The following EFCAB3 variants were observed in gnomAD, a reference collection of about 807,000 sequenced individuals.
EFCAB3 encodes EF-hand calcium-binding domain-containing protein 3.
In EFCAB3, 36 loss-of-function variants were observed where a neutral mutation model predicts 42.2. That is an observed-to-expected ratio of 0.85 (90% CI 0.65 to 1.13). EFCAB3 has a LOEUF of 1.13. EFCAB3 is among the 50% of genes most tolerant of loss of function. The pLI is 0.00. For synonymous variants in EFCAB3, 170 were observed against 172.8 expected (o/e 0.98, Z 0.13); for missense variants, 418 against 505.1 (o/e 0.83, Z 1.65).
chr17:62,375,786 A>G (rs925729886), upstream of EFCAB3, among the ~76,000 whole-genome samples: 2 of 152,106 alleles, frequency 1.3e-5, no homozygotes, highest in African/African-American at 4.8e-5. Context: ...AAGGCACAAC[A>G]CTTCAGATAT....
upstream of EFCAB3, among the ~76,000 whole-genome samples, chr17:62,376,319 A>C (rs886848875): frequency 7.9e-5 from 12 of 152,058 alleles, no homozygotes; most frequent in Non-Finnish European, 8.8e-5. Context: ...CAAAAATACA[A>C]AAATTAGCCA....
rs1251578508 is a variant in EFCAB3 at position 62,406,553 on chromosome 17, A to G, written c.562A>G (p.Arg188Gly). Residue 188 changes from arginine (R) to glycine (G), a missense_variant, in exon 7 of 10, where the codon AGG (arginine) becomes GGG (glycine). By Grantham distance (125) the Arg-to-Gly change is moderately radical. Coordinates refer to ENST00000305286, the MANE Select transcript of EFCAB3 (RefSeq NM_173503.4). ...TCCCTACACTATGGGCTATGGAAAA[A>G]GGACACTTAAGCCAGACATATGCAC... is the stretch of plus-strand genomic sequence containing the variant. ...WSPYTMGYGK[R>G]TLKPDICTPP... 1 of 1,613,998 alleles carries G rather than the reference A, an allele frequency of 6.2e-7. No homozygotes were observed. The highest frequency in any genetic ancestry group is 8.5e-7 in the Non-Finnish European group (1 of 1,179,982).
intron 1 of EFCAB3, chr17:62,381,730 A>G (rs575253654): frequency 1.8e-4 from 49 of 277,266 alleles, no homozygotes; most frequent in African/African-American, 9.4e-4. Flanking sequence ...CTCAGAGCCA[A>G]AGACATCAAG....
chr17:62,398,024 TCA>T, intron 6 of EFCAB3: 1 of 36,420 alleles, frequency 2.7e-5, no homozygotes, highest in Admixed American at 4.6e-4. Flanking sequence ...AGACTCCATC[TCA>T]AAAAAAAAAA....
chr17:62,400,876 A>G (rs1435009599), intron 6 of EFCAB3, among the ~76,000 whole-genome samples: 1 of 152,234 alleles, frequency 6.6e-6, no homozygotes, highest in African/African-American at 2.4e-5. Flanking sequence ...AGTTTTACAC[A>G]GTGTAAAAGT....
intron 8 of EFCAB3, 96 bp downstream of exon 8, chr17:62,407,308 A>T: frequency 1.7e-6 from 2 of 1,156,826 alleles, no homozygotes; most frequent in Non-Finnish European, 2.3e-6. Flanking sequence ...AAATAGTTTT[A>T]GTCATTATTT....
chr17:62,398,784 G>A (rs575773800), intron 6 of EFCAB3, among the ~76,000 whole-genome samples: 3 of 151,988 alleles, frequency 2.0e-5, no homozygotes, highest in African/African-American at 4.8e-5. Flanking sequence ...ATAAATATAC[G>A]GAAGTAACAT....
intron 9 of EFCAB3, 82 bp downstream of exon 9, chr17:62,413,936 A>G (rs1017191652): frequency 2.9e-4 from 418 of 1,446,008 alleles, no homozygotes; most frequent in Non-Finnish European, 3.8e-4. Flanking sequence ...TAAAACCAAG[A>G]GAATTTTTAT....
At chr17:62,408,827 C>T (rs1243167214) in intron 8 of EFCAB3, among the ~76,000 whole-genome samples, 5 of 152,204 alleles carry the variant, frequency 3.3e-5, no homozygotes, top group South Asian at 2.1e-4. Flanking sequence ...ACAGACTAGA[C>T]GTGCTCTCAC....
upstream of EFCAB3, among the ~76,000 whole-genome samples, chr17:62,377,473 A>T (rs1280329609): frequency 1.3e-5 from 2 of 152,152 alleles, no homozygotes; most frequent in Non-Finnish European, 2.9e-5. Flanking sequence ...CTGTACTATT[A>T]AGGTTTTGAT....
upstream of EFCAB3, among the ~76,000 whole-genome samples, chr17:62,378,602 G>A (rs942667238): frequency 7.9e-5 from 12 of 152,244 alleles, no homozygotes; most frequent in Middle Eastern, 3.4e-3. Context: ...TCGGGAGGCT[G>A]AGTGGAAGGA....
upstream of EFCAB3, among the ~76,000 whole-genome samples, chr17:62,376,322 A>G (rs2070150456): frequency 6.6e-6 from 1 of 152,090 alleles, no homozygotes; most frequent in South Asian, 2.1e-4. Flanking sequence ...AAATACAAAA[A>G]TTAGCCAGGC....
chr17:62,393,944 C>G (rs536896517), intron 5 of EFCAB3, among the ~76,000 whole-genome samples: 1 of 143,088 alleles, frequency 7.0e-6, no homozygotes, highest in Non-Finnish European at 1.5e-5. Flanking sequence ...TCTATAATGT[C>G]TGAATTATTT....
rs566040998 is a variant in EFCAB3, at chr17:62,397,599, C to A, written c.488+2411C>A. 224 of 605,598 alleles carry A rather than the reference C, an allele frequency of 3.7e-4. 2 individuals carry two copies. The highest frequency in any genetic ancestry group is 3.5e-5 in the Non-Finnish European group (11 of 312,018). The allele number at this position is 605,598 out of a possible 1,614,324, so 37.5% of individuals were successfully genotyped here. A position where few individuals can be genotyped will look rare whatever the true frequency, so the allele number is the denominator to read the frequency against. On this transcript the variant is annotated intron_variant, in intron 6 of 9. Coordinates refer to ENST00000305286, the MANE Select transcript of EFCAB3 (RefSeq NM_173503.4). The stretch of plus-strand genomic sequence containing the variant: ...GGGGTTGAAACCAAACAGCCAAATT[C>A]TGCCATCAGGAAGTGTGCCAGCATC...
At chr17:62,412,031 G>A (rs560504036) in intron 8 of EFCAB3, among the ~76,000 whole-genome samples, 11 of 152,160 alleles carry the variant, frequency 7.2e-5, no homozygotes, top group African/African-American at 2.4e-4. Flanking sequence ...ATAGATTGAG[G>A]AGAGAAAAGT....
intron 3 of EFCAB3, among the ~76,000 whole-genome samples, chr17:62,388,001 G>A (rs2070269391): frequency 6.6e-6 from 1 of 152,168 alleles, no homozygotes; most frequent in Non-Finnish European, 1.5e-5. Context: ...CCTGAGGTCA[G>A]GAGTCCGAGA....
chr17:62,380,563 T>G lies in EFCAB3; in HGVS notation c.-68T>G. The G allele has an allele frequency of 4.1e-6, 4 of 985,454 alleles. No individual in the cohort carries two copies. The highest frequency in any genetic ancestry group is 4.8e-6 in the Non-Finnish European group (4 of 829,936). 61.0% of individuals were successfully genotyped at this position (985,454 alleles called of 1,614,324 possible). ...TGATGGAACAAACCCTTTATTGGAT[T>G]CCTGATCTGATTGAAGCCCAGAAGT... On this transcript the variant is annotated 5_prime_UTR_variant, in exon 1 of 10. The change creates a new upstream start codon in the 5' untranslated region. Coordinates refer to ENST00000305286, the MANE Select transcript of EFCAB3 (RefSeq NM_173503.4).
intron 1 of EFCAB3, among the ~76,000 whole-genome samples, chr17:62,371,990 T>A (rs1461286158): frequency 6.6e-6 from 1 of 152,202 alleles, no homozygotes; most frequent in Non-Finnish European, 1.5e-5. Context: ...TATTGATTTA[T>A]TCAAGCAACA....
intron 8 of EFCAB3, 129 bp from the exon 9 acceptor site, chr17:62,413,603 G>T: frequency 2.2e-6 from 2 of 920,856 alleles, no homozygotes; most frequent in East Asian, 2.8e-5. Context: ...CAAACAAATG[G>T]TTTGGCAATA....
Sources: allele counts gnomAD v4.1 joint callset (sites outside exome capture counted in the v4.1 genomes callset), GRCh38; gene constraint gnomAD v4.1.1; transcripts MANE v1.5; gene names NCBI Gene and HGNC (gene_info 2026-07-23, HGNC 2026-07-21).